Variants in PRR16 observed in about 807,000 individuals in gnomAD.
The protein encoded by PRR16 is protein Largen.
PRR16 carries 6 observed loss-of-function variants against 18.2 expected under a neutral mutation model. The observed-to-expected ratio is 0.33, with a 90% CI of 0.18 to 0.65. The LOEUF (loss-of-function observed/expected upper bound fraction) is 0.65. Ranked by LOEUF, PRR16 falls within the 30% of genes least tolerant of loss-of-function variation. The probability of loss-of-function intolerance (pLI) is 0.74; values close to 1 mark genes in which losing one functional copy is unlikely to be tolerated. For synonymous variants in PRR16, 151 were observed against 147.8 expected, an observed-to-expected ratio of 1.02 and a Z score of -0.16; for missense variants, 412 against 376.6, an observed-to-expected ratio of 1.09 and a Z score of -0.78.
intron 1 of PRR16, among the ~76,000 whole-genome samples, chr5:120,572,115 G>A (rs760838733): frequency 2.6e-5 from 4 of 152,120 alleles, no homozygotes; most frequent in Non-Finnish European, 5.9e-5. Flanking sequence ...CATATTCTTT[G>A]TCTCGTACTG....
the PRR16 span, among the ~76,000 whole-genome samples, chr5:120,791,604 T>TATCCATCC: frequency 2.4e-5 from 2 of 83,206 alleles, no homozygotes; most frequent in Non-Finnish European, 5.9e-5. Context: ...TCTATCTATC[T>TATCCATCC]ATCTATCTAT....
intron 1 of PRR16, among the ~76,000 whole-genome samples, chr5:120,608,500 A>C (rs1377471760): frequency 1.3e-5 from 2 of 152,182 alleles, no homozygotes; most frequent in Non-Finnish European, 2.9e-5. Flanking sequence ...AAAAATATAG[A>C]CATGTTCACA....
intron 1 of PRR16, among the ~76,000 whole-genome samples, chr5:120,582,737 G>T (rs985066800): frequency 6.6e-6 from 1 of 150,450 alleles, no homozygotes; most frequent in Admixed American, 6.6e-5. Flanking sequence ...AGTTCAGAGT[G>T]GTTATTTTCA....
intron 1 of PRR16, among the ~76,000 whole-genome samples, chr5:120,505,970 A>G (rs1489568611): frequency 6.7e-6 from 1 of 149,366 alleles, no homozygotes; most frequent in African/African-American, 2.5e-5. Context: ...ATATATATAT[A>G]CACATTTTTT....
intron 1 of PRR16, among the ~76,000 whole-genome samples, chr5:120,528,139 T>G (rs1751429513): frequency 2.0e-5 from 3 of 152,088 alleles, no homozygotes; most frequent in Admixed American, 2.0e-4. Flanking sequence ...ATGGATAGAG[T>G]GTCATTTGCC....
intron 1 of PRR16, among the ~76,000 whole-genome samples, chr5:120,654,655 T>C (rs994117360): frequency 1.3e-5 from 2 of 151,892 alleles, no homozygotes; most frequent in Non-Finnish European, 2.9e-5. Context: ...CCTCAAATAT[T>C]ATGAATAATT....
At chr5:120,660,033 T>C (rs1268571678) in intron 1 of PRR16, among the ~76,000 whole-genome samples, 1 of 152,040 alleles carries the variant, frequency 6.6e-6, no homozygotes, top group African/African-American at 2.4e-5. Flanking sequence ...ATGGCTTAGA[T>C]TGCTCCATCC....
intron 1 of PRR16, among the ~76,000 whole-genome samples, chr5:120,502,985 A>AT (rs1273562253): frequency 6.6e-6 from 1 of 152,118 alleles, no homozygotes; most frequent in Non-Finnish European, 1.5e-5. Context: ...CTAAAAAAAG[A>AT]TTTTTTTCTG....
intron 1 of PRR16, among the ~76,000 whole-genome samples, chr5:120,661,332 C>T (rs1428971322): frequency 6.6e-6 from 1 of 152,050 alleles, no homozygotes; most frequent in Non-Finnish European, 1.5e-5. Flanking sequence ...CTGAGACCAA[C>T]CTGACTTTTC....
intron 1 of PRR16, among the ~76,000 whole-genome samples, chr5:120,551,675 A>G (rs1752259371): frequency 2.0e-5 from 3 of 152,008 alleles, no homozygotes; most frequent in Non-Finnish European, 1.5e-5. Flanking sequence ...AGACCTGTGC[A>G]TGTATATAAA....
intron 1 of PRR16, among the ~76,000 whole-genome samples, chr5:120,652,211 G>A (rs982513956): frequency 3.9e-5 from 6 of 151,980 alleles, no homozygotes; most frequent in Admixed American, 1.3e-4. Context: ...CTATGGAAAA[G>A]AAATATTTGC....
chr5:120,650,000 A>T (rs1218059742), intron 1 of PRR16, among the ~76,000 whole-genome samples: 2 of 151,988 alleles, frequency 1.3e-5, no homozygotes, highest in African/African-American at 4.8e-5. Context: ...TGGGCAGATC[A>T]CGAGGTCAAG....
At chr5:120,708,286 C>T in the PRR16 span, among the ~76,000 whole-genome samples, 1 of 152,072 alleles carries the variant, frequency 6.6e-6, no homozygotes, top group Non-Finnish European at 1.5e-5. Flanking sequence ...ACATGAAAGA[C>T]AAAAAGTTCC....
the PRR16 span, among the ~76,000 whole-genome samples, chr5:120,696,330 T>C: frequency 6.6e-6 from 1 of 152,030 alleles, no homozygotes; most frequent in Non-Finnish European, 1.5e-5. Context: ...ATAAAAAAAT[T>C]AGTAATTAAA....
chr5:120,745,294 T>A, the PRR16 span, among the ~76,000 whole-genome samples: 1 of 152,342 alleles, frequency 6.6e-6, no homozygotes, highest in East Asian at 1.9e-4. Context: ...GTGTTTGAAA[T>A]GTTTCTGCTT....
chr5:120,563,837 A>G (rs753423936), intron 1 of PRR16, among the ~76,000 whole-genome samples: 13 of 152,160 alleles, frequency 8.5e-5, no homozygotes, highest in Non-Finnish European at 1.9e-4. Flanking sequence ...ATTTCACCAT[A>G]GCCACCATAG....
At chr5:120,655,821 C>G (rs567443304) in intron 1 of PRR16, among the ~76,000 whole-genome samples, 1 of 151,352 alleles carries the variant, frequency 6.6e-6, no homozygotes, top group Non-Finnish European at 1.5e-5. Flanking sequence ...GTGAGACACC[C>G]TCTTGAAGAT....
chr5:120,508,831 A>T (rs911087455), intron 1 of PRR16, among the ~76,000 whole-genome samples: 1 of 152,170 alleles, frequency 6.6e-6, no homozygotes, highest in Admixed American at 6.5e-5. Context: ...TGAATATATT[A>T]AATATATAAA....
intron 1 of PRR16, among the ~76,000 whole-genome samples, chr5:120,591,641 G>A (rs561502548): frequency 5.9e-5 from 9 of 151,908 alleles, no homozygotes; most frequent in African/African-American, 2.2e-4. Context: ...TCTTATGTTA[G>A]TTTATTTTAT....
Sources: gnomAD v4.1 joint callset for allele counts (sites outside exome capture counted in the v4.1 genomes callset) on GRCh38, gnomAD v4.1.1 for gene constraint, MANE v1.5 for transcripts, NCBI Gene and HGNC (gene_info 2026-07-23, HGNC 2026-07-21) for gene names.